The following CCDC68 variants were observed in gnomAD, a reference collection of about 807,000 sequenced individuals.
CCDC68 encodes the protein coiled-coil domain-containing protein 68.
Under a neutral mutation model 47.1 loss-of-function variants are expected in CCDC68, and 45 were observed. The observed-to-expected ratio is 0.96, with a 90% CI of 0.75 to 1.23. The LOEUF (loss-of-function observed/expected upper bound fraction) is 1.23. Among genes scored for constraint, CCDC68 ranks in the 50% most tolerant of loss-of-function variants. The probability of loss-of-function intolerance (pLI) is 0.00; values close to 1 mark genes in which losing one functional copy is unlikely to be tolerated. For missense variants in CCDC68, 353 were observed against 373.6 expected, an observed-to-expected ratio of 0.94 and a Z score of 0.45; for synonymous variants, 131 against 129.5, an observed-to-expected ratio of 1.01 and a Z score of -0.08.
intron 7 of CCDC68, 139 bp from the exon 8 acceptor site, chr18:54,929,021 C>A: frequency 3.2e-6 from 2 of 628,918 alleles, no homozygotes; most frequent in South Asian, 3.9e-5. Flanking sequence ...TCAAGGAAAC[C>A]TGGCCAAGTA....
At chr18:54,932,630 C>G (rs1297438916) in intron 7 of CCDC68, among the ~76,000 whole-genome samples, 1 of 152,222 alleles carries the variant, frequency 6.6e-6, no homozygotes, top group African/African-American at 2.4e-5. Context: ...CATGGCCTTA[C>G]TAAGCCATGT....
At chr18:54,940,937 CA>C in intron 4 of CCDC68, 59 bp downstream of exon 4, 1 of 1,276,434 alleles carries the variant, frequency 7.8e-7, no homozygotes, top group South Asian at 1.3e-5. Context: ...AGTAATTGCC[CA>C]AAAATTACTT....
intron 7 of CCDC68, among the ~76,000 whole-genome samples, chr18:54,929,446 T>TA (rs2044205761): frequency 6.6e-6 from 1 of 152,218 alleles, no homozygotes; most frequent in Non-Finnish European, 1.5e-5. Context: ...GAATATCTTT[T>TA]AAAAAGATGC....
intron 2 of CCDC68, among the ~76,000 whole-genome samples, chr18:54,943,160 A>G (rs1258370608): frequency 2.0e-5 from 3 of 152,208 alleles, no homozygotes; most frequent in Admixed American, 6.5e-5. Flanking sequence ...TAGAATTAAC[A>G]TGATACAATT....
intron 1 of CCDC68, among the ~76,000 whole-genome samples, chr18:54,957,797 T>C (rs970965003): frequency 6.6e-6 from 1 of 152,242 alleles, no homozygotes. Flanking sequence ...TTGATGTAAA[T>C]ATCTCAGTTC....
At chr18:54,938,124 A>T (rs2044379854) in intron 4 of CCDC68, 27 bp from the exon 5 acceptor site, 1 of 1,594,720 alleles carries the variant, frequency 6.3e-7, no homozygotes, top group African/African-American at 1.4e-5. Context: ...AAAATCATAG[A>T]CCTGACTATC....
At chr18:54,923,916 T>G (rs2145455861) in intron 8 of CCDC68, among the ~76,000 whole-genome samples, 1 of 152,148 alleles carries the variant, frequency 6.6e-6, no homozygotes, top group Admixed American at 6.5e-5. Context: ...TTTCACCATG[T>G]TGGCCAGGCT....
At chr18:54,938,119 C>T in intron 4 of CCDC68, 22 bp from the exon 5 acceptor site, 1 of 1,598,332 alleles carries the variant, frequency 6.3e-7, no homozygotes, top group South Asian at 1.1e-5. Context: ...AAATGAAAAT[C>T]ATAGACCTGA....
chr18:54,920,861 A>G (rs1267654242), intron 8 of CCDC68, among the ~76,000 whole-genome samples: 2 of 152,240 alleles, frequency 1.3e-5, no homozygotes, highest in African/African-American at 4.8e-5. Context: ...CCCAAAGGAA[A>G]ACCGATCATT....
intron 7 of CCDC68, among the ~76,000 whole-genome samples, chr18:54,932,004 C>G (rs2044272770): frequency 6.6e-6 from 1 of 151,872 alleles, no homozygotes; most frequent in Admixed American, 6.6e-5. Flanking sequence ...TGTCTTTTTC[C>G]TATTAATACA....
At chr18:54,906,184 C>CG (rs1006100771) in intron 11 of CCDC68, among the ~76,000 whole-genome samples, 3 of 151,204 alleles carry the variant, frequency 2.0e-5, no homozygotes, top group Non-Finnish European at 4.4e-5. Flanking sequence ...GAAACTGGAC[C>CG]CTGGTTCCAA....
At chr18:54,942,856 T>C (rs1259085047) in intron 2 of CCDC68, 53 bp from the exon 3 acceptor site, 10 of 962,674 alleles carry the variant, frequency 1.0e-5, no homozygotes, top group Non-Finnish European at 1.7e-5. Context: ...GATTGTATGA[T>C]TATATGGTTC....
chr18:54,939,327 A>G (rs547160558), intron 4 of CCDC68, among the ~76,000 whole-genome samples: 4 of 152,288 alleles, frequency 2.6e-5, no homozygotes, highest in Admixed American at 2.0e-4. Flanking sequence ...CAGCAGTGGT[A>G]GATGGCTACA....
chr18:54,950,569 A>G (rs377132717), intron 1 of CCDC68, among the ~76,000 whole-genome samples: 43 of 152,288 alleles, frequency 2.8e-4, no homozygotes, highest in African/African-American at 1.0e-3. Context: ...TTATTCAACT[A>G]CATGCTAATC....
rs55748229 is a variant in CCDC68 at position 54,957,822 on chromosome 18, T to C, written c.-103+1514A>G. 5.6e-3 allele frequency among the ~76,000 whole-genome samples: 846 copies of C among 152,340 alleles called. 12 individuals carry two copies. The highest frequency in any genetic ancestry group is 0.02 in the African/African-American group (831 of 41,576). On this transcript the variant is annotated intron_variant, in intron 1 of 11. Transcript: ENST00000591504. ...TATCTCAGTTCTAAAGATGAGAAAC[T>C]ACTATTTTAAAAGACTTTTACATTC... is the stretch of plus-strand genomic sequence containing the variant.
rs779127007 is a variant in CCDC68, at chr18:54,919,265, T to C, written c.789+6A>G. On this transcript the variant is annotated splice_donor_region_variant and intron_variant, in intron 9 of 11. Transcript: ENST00000591504. Reference sequence around the variant, plus strand: ...CTACCAGATAAATACACTTGATTAATCTGACCTCCTGGATGACACTGCGCA... The same window carrying C: ...CTACCAGATAAATACACTTGATTAACCTGACCTCCTGGATGACACTGCGCA... 6 of 1,607,530 alleles carry C rather than the reference T, an allele frequency of 3.7e-6. No homozygotes were observed. The highest frequency in any genetic ancestry group is 5.1e-6 in the Non-Finnish European group (6 of 1,174,062).
chr18:54,913,141 C>T (rs1200134895), intron 10 of CCDC68, among the ~76,000 whole-genome samples: 9 of 152,338 alleles, frequency 5.9e-5, no homozygotes, highest in Non-Finnish European at 1.3e-4. Flanking sequence ...TGATTTTAAA[C>T]AGGCTGCTTA....
intron 1 of CCDC68, chr18:54,954,390 C>T (rs2044677288): frequency 6.6e-6 from 1 of 151,984 alleles, no homozygotes; most frequent in Non-Finnish European, 1.5e-5. Flanking sequence ...CATCGCCCAC[C>T]CTCCCACACC....
Position 54,904,317 on chromosome 18 carries a change from A to G in CCDC68, c.*41T>C, listed in dbSNP as rs1264191144. The G allele has an allele frequency of 1.4e-6, 2 of 1,479,874 alleles. No homozygotes were observed. The highest frequency in any genetic ancestry group is 1.9e-6 in the Non-Finnish European group (2 of 1,059,406). The allele number at this position is 1,479,874 out of a possible 1,614,324, so 91.7% of individuals were successfully genotyped here. A position where few individuals can be genotyped will look rare whatever the true frequency, so the allele number is the denominator to read the frequency against. Reference sequence around the variant, plus strand: ...GGCTGTGTTTCAGAGAATAAATAAGACTCACGCAGTCTTTCTAAATCAGAT... The same window carrying G: ...GGCTGTGTTTCAGAGAATAAATAAGGCTCACGCAGTCTTTCTAAATCAGAT... On this transcript the variant is annotated 3_prime_UTR_variant, in exon 12 of 12. Transcript: ENST00000591504.
Sources: allele counts gnomAD v4.1 joint callset (sites outside exome capture counted in the v4.1 genomes callset), GRCh38; gene constraint gnomAD v4.1.1; transcripts MANE v1.5; gene names NCBI Gene and HGNC (gene_info 2026-07-23, HGNC 2026-07-21).